The following C2orf74 variants were observed in gnomAD, a reference collection of about 807,000 sequenced individuals.
The protein encoded by C2orf74 is DPM1 ER membrane anchor 1, also known as uncharacterized protein C2orf74.
In C2orf74, 14 loss-of-function variants were observed where a neutral mutation model predicts 17.9. The ratio of observed to expected loss-of-function variants is 0.78; its 90% CI spans 0.52 to 1.22. The LOEUF (loss-of-function observed/expected upper bound fraction) is 1.22. Among genes scored for constraint, C2orf74 ranks in the 50% most tolerant of loss-of-function variants. C2orf74 has a pLI of 0.00. For synonymous variants in C2orf74, 79 were observed against 72.6 expected (o/e 1.09, Z -0.44); for missense variants, 217 against 218.4 (o/e 0.99, Z 0.04).
chr2:61,156,889 C>G (rs1465777164), intron 1 of C2orf74, among the ~76,000 whole-genome samples: 2 of 152,110 alleles, frequency 1.3e-5, no homozygotes, highest in Admixed American at 6.6e-5. Flanking sequence ...CAAAAACAAC[C>G]ACAACAACAA....
At chr2:61,152,454 T>C (rs1257184705) in intron 1 of C2orf74, among the ~76,000 whole-genome samples, 3 of 151,496 alleles carry the variant, frequency 2.0e-5, no homozygotes, top group Non-Finnish European at 4.4e-5. Context: ...GGCAGGAGAA[T>C]GGCGTGAACC....
upstream of C2orf74, among the ~76,000 whole-genome samples, chr2:61,159,633 G>A (rs1409511767): frequency 6.6e-6 from 1 of 152,182 alleles, no homozygotes; most frequent in African/African-American, 2.4e-5. Flanking sequence ...GGTGGGACAG[G>A]TAAAGGGCTG....
chr2:61,152,506 A>G (rs1213658070), intron 1 of C2orf74, among the ~76,000 whole-genome samples: 1 of 149,274 alleles, frequency 6.7e-6, no homozygotes, highest in African/African-American at 2.5e-5. Context: ...ATGCCATTGC[A>G]CTCCAGCCTG....
chr2:61,147,484 T>C (rs1041328276), intron 1 of C2orf74, among the ~76,000 whole-genome samples: 1 of 152,240 alleles, frequency 6.6e-6, no homozygotes, highest in African/African-American at 2.4e-5. Context: ...TTCCTCTTGC[T>C]GCATGTCCTC....
In C2orf74 at chr2:61,145,280, A is replaced by C. The variant is rs534626331; in HGVS notation, c.-122+84A>C. ...CCAAATATAAATATATTAAATATTC[A>C]TTTAAAATATCTAAGAATTAACAGG... On this transcript the variant is annotated intron_variant, in intron 1 of 3. Transcript: ENST00000426997. The C allele has an allele frequency of 1.5e-4, 23 of 152,334 alleles. No individual in the cohort carries two copies. In the South Asian group the frequency reaches 4.8e-3, roughly 32 times the overall value. The allele number at this position is 152,334 out of a possible 1,614,324, so 9.4% of individuals were successfully genotyped here.
At chr2:61,158,479 G>A (rs1380270158), upstream of C2orf74, among the ~76,000 whole-genome samples, 3 of 152,166 alleles carry the variant, frequency 2.0e-5, no homozygotes, top group African/African-American at 7.2e-5. Flanking sequence ...GAAAAAGCAC[G>A]ATTGGAAGTG....
At chr2:61,150,470 G>A (rs1313430508) in intron 1 of C2orf74, among the ~76,000 whole-genome samples, 1 of 152,188 alleles carries the variant, frequency 6.6e-6, no homozygotes, top group African/African-American at 2.4e-5. Context: ...ATCATCCTGC[G>A]ATGTTGAGAG....
At chr2:61,156,523 A>T (rs2103628664) in intron 1 of C2orf74, among the ~76,000 whole-genome samples, 1 of 152,356 alleles carries the variant, frequency 6.6e-6, no homozygotes, top group South Asian at 2.1e-4. Context: ...TCAGAGTTGT[A>T]GTCACATGTA....
upstream of C2orf74, among the ~76,000 whole-genome samples, chr2:61,157,659 G>A (rs542256949): frequency 1.3e-5 from 2 of 152,208 alleles, no homozygotes; most frequent in East Asian, 1.9e-4. Context: ...CTTCCATGCT[G>A]GAAGTTCCTG....
At chr2:61,157,076 C>A (rs1234895767) in intron 1 of C2orf74, among the ~76,000 whole-genome samples, 2 of 152,184 alleles carry the variant, frequency 1.3e-5, no homozygotes, top group Non-Finnish European at 2.9e-5. Flanking sequence ...CACTCTGTCG[C>A]CCAGGCTGGA....
chr2:61,164,732 T>A lies in C2orf74; in HGVS notation c.*205T>A, dbSNP rs1239377253. 2.5e-6 allele frequency: 1 copy of A among 402,434 alleles called. No homozygotes were observed. The highest frequency in any genetic ancestry group is 4.3e-6 in the Non-Finnish European group (1 of 231,566). The allele number at this position is 402,434 out of a possible 1,614,324, so 24.9% of individuals were successfully genotyped here. A position where few individuals can be genotyped will look rare whatever the true frequency, so the allele number is the denominator to read the frequency against. ...AGCTTGAATATAATTTTTTAAAAAT[T>A]CAAATCTGAGTTCAAGAAATTGATT... On this transcript the variant is annotated 3_prime_UTR_variant, in exon 5 of 5. Coordinates refer to ENST00000432605, the MANE Select transcript of C2orf74 (RefSeq NM_001143959.4).
chr2:61,146,487 T>G (rs1357422048), intron 1 of C2orf74, among the ~76,000 whole-genome samples: 1 of 152,106 alleles, frequency 6.6e-6, no homozygotes, highest in African/African-American at 2.4e-5. Flanking sequence ...TGCTGTTCAT[T>G]AAAAACAAAA....
Position 61,162,534 on chromosome 2 carries a change from C to T in C2orf74, c.20C>T (p.Ala7Val), listed in dbSNP as rs371823443. Reference protein sequence around the residue: MSFETTAITFFIILLIC... With the variant: MSFETTVITFFIILLIC... The stretch of plus-strand genomic sequence containing the variant: ...AAACCTATGAGCTTTGAAACCACAG[C>T]AATCACTTTCTTCATCATCCTTCTA... Residue 7 changes from alanine to valine, a missense_variant, in exon 2 of 5, where the codon GCA becomes GTA. Coordinates refer to ENST00000432605, the MANE Select transcript of C2orf74 (RefSeq NM_001143959.4). The T allele has an allele frequency of 1.9e-6, 3 of 1,551,558 alleles. No homozygotes were observed. In the African/African-American group the frequency reaches 4.1e-5, roughly 21 times the overall value.
Position 61,162,838 on chromosome 2 carries a change from T to A in C2orf74, c.96-4T>A. ...TTCTGAATTTGTGGCTTGTTTGTTT[T>A]CAGTTTCCAAGGCAGGAAAGGTAAA... is the stretch of plus-strand genomic sequence containing the variant. On this transcript the variant is annotated splice_polypyrimidine_tract_variant and splice_region_variant and intron_variant, in intron 2 of 4. Coordinates refer to ENST00000432605, the MANE Select transcript of C2orf74 (RefSeq NM_001143959.4). The A allele has an allele frequency of 2.6e-6, 4 of 1,551,126 alleles. No individual in the cohort carries two copies. The highest frequency in any genetic ancestry group is 3.5e-6 in the Non-Finnish European group (4 of 1,146,268).
chr2:61,159,186 T>A (rs904421675), upstream of C2orf74: 4 of 220,070 alleles, frequency 1.8e-5, no homozygotes, highest in African/African-American at 7.1e-5. Context: ...TTAGTAGAGA[T>A]GGGGTTTCAC....
rs1454274289 is a variant in C2orf74, at chr2:61,163,108, A to C, written c.266A>C (p.Gln89Pro). The C allele has an allele frequency of 6.4e-7, 1 of 1,552,090 alleles. No individual in the cohort carries two copies. The highest frequency in any genetic ancestry group is 8.7e-7 in the Non-Finnish European group (1 of 1,147,094). Residue 89 changes from glutamine (Q) to proline (P), a missense_variant, in exon 4 of 5, where the codon CAG becomes CCG. By Grantham distance (76) the Gln-to-Pro change is moderately conservative. Transcript: ENST00000432605. ...CCGATGAGGCCTGGCATTCTTGTCC[A>C]GAGACAGAGTAAGGAAGTGTTGGCC... ...NVPMRPGILV[Q>P]RQSKEVLATP...
chr2:61,155,621 C>CTGCAAG (rs1685368630), intron 1 of C2orf74, among the ~76,000 whole-genome samples: 1 of 152,022 alleles, frequency 6.6e-6, no homozygotes, highest in African/African-American at 2.4e-5. Flanking sequence ...CCTGCGTTCA[C>CTGCAAG]TCTATTCTCC....
intron 1 of C2orf74, among the ~76,000 whole-genome samples, chr2:61,145,759 G>A (rs974681305): frequency 6.6e-6 from 1 of 151,816 alleles, no homozygotes; most frequent in Non-Finnish European, 1.5e-5. Flanking sequence ...CAGGTGGCAC[G>A]ATCACAGCTC....
intron 1 of C2orf74, among the ~76,000 whole-genome samples, chr2:61,154,300 T>C (rs1685331038): frequency 6.6e-6 from 1 of 151,600 alleles, no homozygotes; most frequent in East Asian, 1.9e-4. Flanking sequence ...CATCCTACAG[T>C]ATACTTGATC....
Sources: allele counts gnomAD v4.1 joint callset (sites outside exome capture counted in the v4.1 genomes callset), GRCh38; gene constraint gnomAD v4.1.1; transcripts MANE v1.5; gene names NCBI Gene and HGNC (gene_info 2026-07-23, HGNC 2026-07-21).